SUSD4: variants seen among roughly 807,000 people sequenced by gnomAD.
SUSD4 encodes sushi domain containing 4.
In SUSD4, 41 loss-of-function variants were observed where a neutral mutation model predicts 50.5. The observed-to-expected ratio is 0.81, with a 90% CI of 0.63 to 1.05. The LOEUF (loss-of-function observed/expected upper bound fraction) is 1.05, where lower values mean the gene tolerates loss of function less well. Among genes scored for constraint, SUSD4 ranks in the 50% least tolerant of loss-of-function variants. The pLI is 0.00. For missense variants in SUSD4, 580 were observed against 634.7 expected, an observed-to-expected ratio of 0.91 and a Z score of 0.93; for synonymous variants, 257 against 257.3, an observed-to-expected ratio of 1.00 and a Z score of 0.01.
intron 2 of SUSD4, among the ~76,000 whole-genome samples, chr1:223,316,289 G>C (rs1247061945): frequency 2.0e-5 from 3 of 152,160 alleles, no homozygotes; most frequent in Admixed American, 2.0e-4. Context: ...AGCCACTTCT[G>C]GGGAGAAGTG....
intron 6 of SUSD4, among the ~76,000 whole-genome samples, chr1:223,228,940 G>C (rs1659704397): frequency 6.6e-6 from 1 of 151,720 alleles, no homozygotes; most frequent in South Asian, 2.1e-4. Flanking sequence ...CCTCTGAATA[G>C]GGTCCCTAGG....
At chr1:223,223,115 A>T in intron 8 of SUSD4, 134 bp downstream of exon 8, 1 of 1,291,460 alleles carries the variant, frequency 7.7e-7, no homozygotes. Context: ...GAAGCAATTT[A>T]AGCTGAGTGA....
At chr1:223,224,291 C>T (rs1219854348) in intron 7 of SUSD4, among the ~76,000 whole-genome samples, 1 of 152,132 alleles carries the variant, frequency 6.6e-6, no homozygotes, top group Non-Finnish European at 1.5e-5. Flanking sequence ...GAGCCATGAT[C>T]GCACCACTGC....
rs851205 is a variant in SUSD4, at chr1:223,251,311, A to T, written c.724+13319T>A. Among the ~76,000 whole-genome samples the T allele has an allele frequency of 5.8e-4, 88 of 152,318 alleles. 1 individual carries two copies. The highest frequency in any genetic ancestry group is 2.1e-3 in the African/African-American group (87 of 41,558). On this transcript the variant is annotated intron_variant, in intron 5 of 8. Transcript: ENST00000366878. The stretch of plus-strand genomic sequence containing the variant: ...AGGCAAAGAAGAACAGGTGTGTCAC[A>T]TGGCAAGAGTGGGTTCCAGACATGG...
At chr1:223,249,523 G>T (rs1661161439) in intron 5 of SUSD4, among the ~76,000 whole-genome samples, 1 of 152,198 alleles carries the variant, frequency 6.6e-6, no homozygotes, top group African/African-American at 2.4e-5. Flanking sequence ...CTATTAGCAA[G>T]TCCTAATAGA....
intron 3 of SUSD4, among the ~76,000 whole-genome samples, chr1:223,290,634 G>C (rs188678927): frequency 6.6e-6 from 1 of 151,894 alleles, no homozygotes; most frequent in South Asian, 2.1e-4. Flanking sequence ...GCCCCTCCCT[G>C]CACATCTGGG....
chr1:223,353,710 T>G (rs1053848908), intron 2 of SUSD4, among the ~76,000 whole-genome samples: 3 of 152,118 alleles, frequency 2.0e-5, no homozygotes, highest in Admixed American at 1.3e-4. Flanking sequence ...GCTGAGCACA[T>G]TTTTTAAAAT....
intron 2 of SUSD4, 78 bp downstream of exon 2, chr1:223,363,200 C>A: frequency 1.4e-6 from 2 of 1,402,252 alleles, no homozygotes; most frequent in Non-Finnish European, 9.4e-7. Flanking sequence ...GGGAGGGGTG[C>A]AGGGCTGTCC....
At position 223,256,607 on chromosome 1, in the gene SUSD4, C is replaced by CTTCA. The variant is rs550716418; in HGVS notation, c.724+8019_724+8022dup. On this transcript the variant is annotated intron_variant, in intron 5 of 8. Transcript: ENST00000366878. ...GAGAAGCTCTCCTAGCACCTCTCCC[C>CTTCA]TTCATTTTGCCACCTGCCTTCCAGA... 4.4e-4 allele frequency among the ~76,000 whole-genome samples: 67 copies of CTTCA among 152,304 alleles called. 1 individual carries two copies. In the South Asian group the frequency reaches 0.013, roughly 31 times the overall value.
At chr1:223,320,532 G>A (rs1249174028) in intron 2 of SUSD4, among the ~76,000 whole-genome samples, 6 of 152,188 alleles carry the variant, frequency 3.9e-5, no homozygotes, top group East Asian at 1.9e-4. Context: ...GGCTAAACAC[G>A]GGTAGCAGAA....
intron 3 of SUSD4, among the ~76,000 whole-genome samples, chr1:223,281,788 A>C (rs202015723): frequency 1.3e-5 from 2 of 152,224 alleles, no homozygotes; most frequent in African/African-American, 4.8e-5. Flanking sequence ...ACAACAAAAA[A>C]AGAGAATTTT....
chr1:223,261,320 T>C (rs1260095619), intron 5 of SUSD4, among the ~76,000 whole-genome samples: 2 of 152,228 alleles, frequency 1.3e-5, no homozygotes, highest in Non-Finnish European at 2.9e-5. Context: ...CCCTGTTAGA[T>C]TGTAATCAGA....
intron 2 of SUSD4, among the ~76,000 whole-genome samples, chr1:223,322,100 C>T (rs1666604703): frequency 6.6e-6 from 1 of 151,948 alleles, no homozygotes; most frequent in Admixed American, 6.6e-5. Context: ...TTCGGATTTC[C>T]GGATTGGAGA....
rs553623727 is a variant in SUSD4 at position 223,298,103 on chromosome 1, T to C, written c.149-5452A>G. On this transcript the variant is annotated intron_variant, in intron 2 of 8. Transcript: ENST00000366878. ...CTGGATGGGTGAATAAGTGGATGGA[T>C]GGATGCATCGCTAGATGGATGGATG... Among the ~76,000 whole-genome samples, 3 of 151,784 alleles carry C rather than the reference T, an allele frequency of 2.0e-5. No homozygotes were observed. In the East Asian group the frequency reaches 5.8e-4, roughly 29 times the overall value.
chr1:223,263,823 G>A, intron 5 of SUSD4: 1 of 985,416 alleles, frequency 1.0e-6, no homozygotes, highest in East Asian at 1.1e-4. Flanking sequence ...GTTTTGCTTT[G>A]TTTCCCAAAC....
In SUSD4 at chr1:223,292,445, G is replaced by T. The variant is rs775554091; in HGVS notation, c.355C>A (p.Gln119Lys). 1 of 1,614,166 alleles carries T rather than the reference G, an allele frequency of 6.2e-7. No homozygotes were observed. The highest frequency in any genetic ancestry group is 8.5e-7 in the Non-Finnish European group (1 of 1,180,010). The change falls in exon 3 of 9, where the codon CAA (glutamine) becomes AAA (lysine). Residue 119 changes from glutamine (Q) to lysine (K), a missense_variant. Physicochemically the swap from Gln to Lys is moderately conservative, Grantham distance 53. Coordinates refer to ENST00000366878, the MANE Select transcript of SUSD4 (RefSeq NM_017982.4). Reference protein sequence around the residue: ...WIPSDNSICVQEDCRIPQIED... With the variant: ...WIPSDNSICVKEDCRIPQIED... ...GGAGAAGTAAGCACTTTACCTTCTT[G>T]CACACAGATGGAATTATCACTTGGG...
intron 5 of SUSD4, among the ~76,000 whole-genome samples, chr1:223,240,992 G>A (rs1660542240): frequency 6.6e-6 from 1 of 152,196 alleles, no homozygotes; most frequent in South Asian, 2.1e-4. Context: ...GTGAGCCTGA[G>A]CCTCTGCACT....
chr1:223,324,134 T>C (rs981072128), intron 2 of SUSD4, among the ~76,000 whole-genome samples: 6 of 147,976 alleles, frequency 4.1e-5, no homozygotes, highest in African/African-American at 1.5e-4. Flanking sequence ...CCACATCCCA[T>C]TGTAATTCCA....
chr1:223,223,534 A>G lies in SUSD4; in HGVS notation c.1159T>C (p.Leu387=). 1.2e-6 allele frequency: 2 copies of G among 1,612,570 alleles called. No individual in the cohort carries two copies. Among genetic ancestry groups the G allele is most frequent in the Non-Finnish European group, 1.7e-6 (2 of 1,179,578 alleles). Residue 387 remains leucine, a synonymous_variant, in exon 8 of 9, where the codon TTG becomes CTG. Transcript: ENST00000366878. ...PSYDEAVSGG[L]SALGPGYMAS... ...ATGTACCCGGGGCCTAAGGCACTCAAGCCGCCACTCACAGCTTCGTCATAG... is the reference window on the plus strand; with the variant it reads ...ATGTACCCGGGGCCTAAGGCACTCAGGCCGCCACTCACAGCTTCGTCATAG...
Sources: gnomAD v4.1 joint callset for allele counts (sites outside exome capture counted in the v4.1 genomes callset) on GRCh38, gnomAD v4.1.1 for gene constraint, MANE v1.5 for transcripts, NCBI Gene and HGNC (gene_info 2026-07-23, HGNC 2026-07-21) for gene names.